Variants in SP140 observed in about 807,000 individuals in gnomAD.
SP140 encodes nuclear body protein SP140.
A neutral mutation model predicts 125.0 loss-of-function variants in SP140; 81 were observed. The ratio of observed to expected loss-of-function variants is 0.65; its 90% CI spans 0.54 to 0.78. The LOEUF (loss-of-function observed/expected upper bound fraction) is 0.78. Among genes scored for constraint, SP140 ranks in the 30% least tolerant of loss-of-function variants. SP140 has a pLI of 0.00. For synonymous variants in SP140, 312 were observed against 354.0 expected (o/e 0.88, Z 1.33); for missense variants, 858 against 1,037.0 (o/e 0.83, Z 2.37).
intron 22 of SP140, among the ~76,000 whole-genome samples, chr2:230,308,362 C>A (rs2059013030): frequency 6.6e-6 from 1 of 151,960 alleles, no homozygotes; most frequent in African/African-American, 2.4e-5. Context: ...AACCAAAAAC[C>A]ACCTGTTCCC....
rs2058392917 is a variant in SP140, at chr2:230,302,644, G to GACC, written c.2058+5184_2058+5186dup. On this transcript the variant is annotated intron_variant, in intron 22 of 26. Transcript: ENST00000392045. ...AGTACCTGGAACATTCTCCAAGATA[G>GACC]ACCATATCATAGGCCACATAACAAG... Among the ~76,000 whole-genome samples the GACC allele has an allele frequency of 2.0e-5, 3 of 152,230 alleles. No individual in the cohort carries two copies. The South Asian group carries it at 6.2e-4, about 32-fold the overall frequency.
Position 230,247,969 on chromosome 2 carries a change from G to A in SP140, c.796G>A (p.Gly266Arg), listed in dbSNP as rs1390868247. Reference sequence around the variant, plus strand: ...GGCAAGGACATACAGCACAGCACCAGGGGAGAAACAGGGAGAGGAGGAAGG... The same window carrying A: ...GGCAAGGACATACAGCACAGCACCAAGGGAGAAACAGGGAGAGGAGGAAGG... ...DAARTYSTAP[G>R]EKQGEEEGRN... Residue 266 changes from glycine to arginine, a missense_variant, in exon 8 of 27, where the codon GGG becomes AGG. Around this residue, in one of 4 missense-constraint regions of SP140, gnomAD observed 791 missense variants for 869.5 expected, o/e 0.91. Transcript: ENST00000392045. 6.2e-7 allele frequency: 1 copy of A among 1,613,920 alleles called. No homozygotes were observed. Among genetic ancestry groups the A allele is most frequent in the South Asian group, 1.1e-5 (1 of 91,066 alleles).
chr2:230,286,751 G>A lies in SP140; in HGVS notation c.1645+919G>A, dbSNP rs192311247. On this transcript the variant is annotated intron_variant, in intron 17 of 26. Coordinates refer to ENST00000392045, the MANE Select transcript of SP140 (RefSeq NM_007237.5). ...GTGGCCTGGTGCATTGTCCTAGGATGCGGGTGCTCAACTCAACCTACTTGC... is the reference window on the plus strand; with the variant it reads ...GTGGCCTGGTGCATTGTCCTAGGATACGGGTGCTCAACTCAACCTACTTGC... Among the ~76,000 whole-genome samples the A allele has an allele frequency of 2.4e-4, 37 of 152,288 alleles. No individual in the cohort carries two copies. The East Asian group carries it at 6.6e-3, about 27-fold the overall frequency.
chr2:230,238,825 C>T (rs550223117), intron 3 of SP140: 38 of 1,555,252 alleles, frequency 2.4e-5, no homozygotes, highest in Middle Eastern at 1.7e-4. Context: ...GGAGAAGTCA[C>T]GAAGAGAGCC....
chr2:230,250,387 G>A (rs1442115067), intron 9 of SP140, among the ~76,000 whole-genome samples: 1 of 152,104 alleles, frequency 6.6e-6, no homozygotes, highest in Non-Finnish European at 1.5e-5. Context: ...GGCATCAATT[G>A]TTTCAGGAGC....
At chr2:230,206,294 C>T (rs1267694979) in intron 1 of SP140, among the ~76,000 whole-genome samples, 1 of 151,932 alleles carries the variant, frequency 6.6e-6, no homozygotes, top group Non-Finnish European at 1.5e-5. Context: ...CTTAAATTTT[C>T]CAGTGATTCT....
intron 1 of SP140, among the ~76,000 whole-genome samples, chr2:230,230,993 A>G (rs112434792): frequency 0.013 from 2,038 of 151,648 alleles, 41 homozygotes; most frequent in African/African-American, 0.046. Flanking sequence ...TTCTTTTGAC[A>G]TATCTTCAAT....
At chr2:230,302,249 C>G (rs1403119724) in intron 22 of SP140, among the ~76,000 whole-genome samples, 1 of 151,576 alleles carries the variant, frequency 6.6e-6, no homozygotes, top group Admixed American at 6.6e-5. Flanking sequence ...AAAAAATTAG[C>G]TGGGCGTGGT....
At chr2:230,283,587 A>C (rs1261276098) in intron 15 of SP140, among the ~76,000 whole-genome samples, 13 of 152,224 alleles carry the variant, frequency 8.5e-5, no homozygotes, top group Admixed American at 8.5e-4. Context: ...TGTCCTGGTC[A>C]CTATCCAGGA....
the SP140 span, among the ~76,000 whole-genome samples, chr2:230,187,867 C>T: frequency 1.3e-5 from 2 of 152,134 alleles, no homozygotes; most frequent in African/African-American, 4.8e-5. Context: ...ACTTTTATAA[C>T]AGTATCATGC....
intron 3 of SP140, 139 bp from the exon 4 acceptor site, chr2:230,241,264 GA>G: frequency 3.1e-6 from 2 of 653,730 alleles, no homozygotes; most frequent in Non-Finnish European, 2.7e-6. Flanking sequence ...GCCTCTCAAT[GA>G]AAAAAAGGGG....
chr2:230,228,914 T>C lies in SP140; in HGVS notation c.59+3011T>C, dbSNP rs149210362. 8.3e-4 allele frequency among the ~76,000 whole-genome samples: 127 copies of C among 152,306 alleles called. No homozygotes were observed. The East Asian group carries it at 0.022, about 26-fold the overall frequency. On this transcript the variant is annotated intron_variant, in intron 1 of 26. Transcript: ENST00000392045. ...TAAAGTGATTATTAATATAGTTAGA[T>C]TAATATCTACCACATTTGTAAATGT...
chr2:230,256,857 C>A (rs1033707316), intron 12 of SP140, among the ~76,000 whole-genome samples: 1 of 152,134 alleles, frequency 6.6e-6, no homozygotes, highest in African/African-American at 2.4e-5. Flanking sequence ...TTGACCAGTA[C>A]TTTCCATTAT....
chr2:230,199,092 C>G (rs961434157), upstream of SP140, among the ~76,000 whole-genome samples: 12 of 151,388 alleles, frequency 7.9e-5, no homozygotes, highest in Non-Finnish European at 1.5e-4. Flanking sequence ...GTGTATGACA[C>G]CAGCTCTTGA....
rs1030267346 is a variant in SP140, at chr2:230,268,003, G to T, written c.1241-1529G>T. Among the ~76,000 whole-genome samples, 5 of 152,300 alleles carry T rather than the reference G, an allele frequency of 3.3e-5. No homozygotes were observed. The East Asian group carries it at 5.8e-4, about 18-fold the overall frequency. Reference sequence around the variant, plus strand: ...GCTGGCTTGAATTGAGGACTTATCAGACCTTGACCACCAGCTGTTTGCTTT... The same window carrying T: ...GCTGGCTTGAATTGAGGACTTATCATACCTTGACCACCAGCTGTTTGCTTT... On this transcript the variant is annotated intron_variant, in intron 12 of 26. Coordinates refer to ENST00000392045, the MANE Select transcript of SP140 (RefSeq NM_007237.5).
intron 12 of SP140, among the ~76,000 whole-genome samples, chr2:230,258,332 A>G (rs1365386549): frequency 1.3e-5 from 2 of 152,214 alleles, no homozygotes; most frequent in African/African-American, 4.8e-5. Context: ...AAAGGATGAC[A>G]TAAGAAAAAG....
chr2:230,238,499 C>A, intron 3 of SP140, 118 bp downstream of exon 3: 2 of 992,738 alleles, frequency 2.0e-6, no homozygotes, highest in Non-Finnish European at 3.0e-6. Flanking sequence ...ACATGCCAAG[C>A]CCAGGGGGAA....
chr2:230,287,479 A>G (rs1224040221), intron 17 of SP140, among the ~76,000 whole-genome samples: 4 of 152,216 alleles, frequency 2.6e-5, no homozygotes, highest in Non-Finnish European at 5.9e-5. Flanking sequence ...TAGTTTCTGT[A>G]ATGACGGTAA....
intron 1 of SP140, among the ~76,000 whole-genome samples, chr2:230,206,966 TCC>T (rs2043932204): frequency 6.6e-6 from 1 of 152,106 alleles, no homozygotes; most frequent in African/African-American, 2.4e-5. Context: ...GAGTGGTCTT[TCC>T]CTAGGTATTT....
Sources: gnomAD v4.1 joint callset for allele counts (sites outside exome capture counted in the v4.1 genomes callset) on GRCh38, gnomAD v4.1.1 for gene constraint, gnomAD v4.1.1 regional missense constraint, MANE v1.5 for transcripts, NCBI Gene and HGNC (gene_info 2026-07-23, HGNC 2026-07-21) for gene names.